SRPK1: variants seen among roughly 807,000 people sequenced by gnomAD.
SRPK1 encodes SRSF protein kinase 1.
A neutral mutation model predicts 89.5 loss-of-function variants in SRPK1; 52 were observed. The ratio of observed to expected loss-of-function variants is 0.58; its 90% CI spans 0.46 to 0.73. The LOEUF (loss-of-function observed/expected upper bound fraction) is 0.73. Among genes scored for constraint, SRPK1 ranks in the 30% least tolerant of loss-of-function variants. The probability of loss-of-function intolerance (pLI) is 0.00; values close to 1 mark genes in which losing one functional copy is unlikely to be tolerated. For missense variants in SRPK1, 603 were observed against 780.6 expected, an observed-to-expected ratio of 0.77 and a Z score of 2.71; for synonymous variants, 255 against 270.2, an observed-to-expected ratio of 0.94 and a Z score of 0.55.
At chr6:35,919,822 C>A (rs1177668273) in intron 2 of SRPK1, among the ~76,000 whole-genome samples, 1 of 152,170 alleles carries the variant, frequency 6.6e-6, no homozygotes, top group African/African-American at 2.4e-5. Flanking sequence ...ATTGTGATGT[C>A]CACTCCGGAA....
Position 35,869,106 on chromosome 6 carries a change from T to C in SRPK1, c.1416A>G (p.Lys472=). The C allele has an allele frequency of 1.2e-6, 2 of 1,612,884 alleles. No individual in the cohort carries two copies. The highest frequency in any genetic ancestry group is 1.7e-6 in the Non-Finnish European group (2 of 1,179,300). The change falls in exon 12 of 16, where the codon AAA becomes AAG. Residue 472 remains lysine (K), a synonymous_variant. Coordinates refer to ENST00000373825, the MANE Select transcript of SRPK1 (RefSeq NM_003137.5). ...TAACAAGAAAATTTCCAGCCGTGGA[T>C]TTTCCTACAGACAACAGGCATCATC... is the stretch of plus-strand genomic sequence containing the variant. ...EHNGPLDNKG[K]STAGNFLVNP...
rs182197421 is a variant in SRPK1, at chr6:35,833,141, C to G, written c.*2163G>C. The stretch of plus-strand genomic sequence containing the variant: ...TTAGGGCTTTATTTTTAACTGACAG[C>G]AAATAGAAATCCTTTAGTGAGATCG... On this transcript the variant is annotated 3_prime_UTR_variant, in exon 16 of 16. Transcript: ENST00000373825. 6.6e-6 allele frequency: 1 copy of G among 152,634 alleles called. No homozygotes were observed. Among genetic ancestry groups the G allele is most frequent in the Admixed American group, 6.5e-5 (1 of 15,280 alleles). 9.5% of individuals were successfully genotyped at this position (152,634 alleles called of 1,614,324 possible).
In SRPK1 at chr6:35,833,120, G is replaced by T. The variant is rs1257689380; in HGVS notation, c.*2184C>A. 2 of 152,532 alleles carry T rather than the reference G, an allele frequency of 1.3e-5. No homozygotes were observed. The highest frequency in any genetic ancestry group is 4.8e-5 in the African/African-American group (2 of 41,418). 9.4% of individuals were successfully genotyped at this position (152,532 alleles called of 1,614,324 possible). Reference sequence around the variant, plus strand: ...GTAGAAAGAATAAAAATGTATTTAGGGCTTTATTTTTAACTGACAGCAAAT... The same window carrying T: ...GTAGAAAGAATAAAAATGTATTTAGTGCTTTATTTTTAACTGACAGCAAAT... On this transcript the variant is annotated 3_prime_UTR_variant, in exon 16 of 16. Transcript: ENST00000373825.
At chr6:35,907,763 A>G (rs1271422289) in intron 2 of SRPK1, among the ~76,000 whole-genome samples, 1 of 152,180 alleles carries the variant, frequency 6.6e-6, no homozygotes, top group African/African-American at 2.4e-5. Flanking sequence ...CATGAATAAC[A>G]AGAAAGAGGA....
At chr6:35,841,754 C>T (rs749687585) in intron 14 of SRPK1, among the ~76,000 whole-genome samples, 6 of 142,946 alleles carry the variant, frequency 4.2e-5, no homozygotes, top group African/African-American at 1.3e-4. Context: ...ATCGCTTGAA[C>T]GAGGGAAGTG....
intron 2 of SRPK1, among the ~76,000 whole-genome samples, chr6:35,896,488 T>C (rs1005202036): frequency 1.3e-5 from 2 of 152,238 alleles, no homozygotes; most frequent in African/African-American, 4.8e-5. Context: ...TACACATCGC[T>C]GGTGGGAATG....
rs10540061 is a variant in SRPK1, at chr6:35,836,754, CAATAATAAT to C, written c.1784-1275_1784-1267del. ...TGGGTGACAGAGTGATACCCTGTCT[CAATAATAAT>C]AATAATAATAATAATAATAATAATT... is the stretch of plus-strand genomic sequence containing the variant. On this transcript the variant is annotated intron_variant, in intron 15 of 15. Transcript: ENST00000373825. Among the ~76,000 whole-genome samples, 304 of 143,386 alleles carry C rather than the reference CAATAATAAT, an allele frequency of 2.1e-3. 1 individual carries two copies. The highest frequency in any genetic ancestry group is 7.2e-3 in the African/African-American group (282 of 39,016). 94.1% of individuals were successfully genotyped at this position (143,386 alleles called of 152,430 possible).
At chr6:35,839,794 C>G (rs182241502) in intron 14 of SRPK1, among the ~76,000 whole-genome samples, 23 of 151,884 alleles carry the variant, frequency 1.5e-4, no homozygotes, top group Admixed American at 3.3e-4. Flanking sequence ...ATTCTTGTGT[C>G]TCAGCCTCCT....
intron 2 of SRPK1, among the ~76,000 whole-genome samples, chr6:35,896,907 T>C (rs1770636742): frequency 6.6e-6 from 1 of 151,468 alleles, no homozygotes; most frequent in South Asian, 2.1e-4. Flanking sequence ...ATACCTGCTT[T>C]AACAAGATGA....
chr6:35,838,592 C>G, intron 14 of SRPK1, 163 bp from the exon 15 acceptor site: 1 of 1,472,550 alleles, frequency 6.8e-7, no homozygotes, highest in Non-Finnish European at 9.3e-7. Flanking sequence ...CTCTATCCAT[C>G]TAATGGAGAA....
intron 2 of SRPK1, among the ~76,000 whole-genome samples, chr6:35,918,194 A>C (rs1239340558): frequency 6.8e-6 from 1 of 146,648 alleles, no homozygotes; most frequent in Non-Finnish European, 1.5e-5. Flanking sequence ...GACAGAAAGA[A>C]AGACAAAAAG....
intron 14 of SRPK1, among the ~76,000 whole-genome samples, chr6:35,841,795 G>A (rs373399193): frequency 2.0e-4 from 25 of 127,612 alleles, no homozygotes; most frequent in East Asian, 1.0e-3. Flanking sequence ...TCGCACCACC[G>A]CACTCCAGCC....
In SRPK1 at chr6:35,835,529, A is replaced by G. The variant is rs997231022; in HGVS notation, c.1784-41T>C. On this transcript the variant is annotated intron_variant, in intron 15 of 15. Coordinates refer to ENST00000373825, the MANE Select transcript of SRPK1 (RefSeq NM_003137.5). ...TACAGAAAAAGCCACTGATCAACAC[A>G]GACAAATGACAAGGTACTCTTGTGG... The G allele has an allele frequency of 5.8e-6, 9 of 1,550,674 alleles. No homozygotes were observed. In the African/African-American group the frequency reaches 8.2e-5, roughly 14 times the overall value.
chr6:35,895,642 G>T (rs1185597187), intron 2 of SRPK1: 4 of 152,088 alleles, frequency 2.6e-5, no homozygotes, highest in Non-Finnish European at 1.5e-5. Context: ...TTTCCATAAA[G>T]AAATTATCTG....
intron 2 of SRPK1, among the ~76,000 whole-genome samples, chr6:35,911,302 C>A (rs1431587612): frequency 6.6e-6 from 1 of 152,152 alleles, no homozygotes; most frequent in African/African-American, 2.4e-5. Context: ...GAAGTAACTA[C>A]AGATGTGGTA....
intron 5 of SRPK1, 56 bp from the exon 6 acceptor site, chr6:35,886,867 A>C (rs1323509369): frequency 2.1e-6 from 2 of 963,930 alleles, no homozygotes; most frequent in Non-Finnish European, 3.3e-6. Context: ...AATAAACCAG[A>C]TGGTAGGGGA....
At position 35,835,428 on chromosome 6, in the gene SRPK1, T is replaced by C. The variant is rs757392643; in HGVS notation, c.1844A>G (p.Lys615Arg). 1 of 1,613,778 alleles carries C rather than the reference T, an allele frequency of 6.2e-7. No individual in the cohort carries two copies. The highest frequency in any genetic ancestry group is 8.5e-7 in the Non-Finnish European group (1 of 1,179,814). ...TGCCTCTTCCTGCGACCACTCATACTTCTCCACTAGAACCTCAAAAAGGCC... is the reference window on the plus strand; with the variant it reads ...TGCCTCTTCCTGCGACCACTCATACCTCTCCACTAGAACCTCAAAAAGGCC... ...PWGLFEVLVE[K>R]YEWSQEEAAG... Residue 615 changes from lysine (K) to arginine (R), a missense_variant, in exon 16 of 16, where the codon AAG becomes AGG. By Grantham distance (26) the Lys-to-Arg change is conservative. Transcript: ENST00000373825.
intron 13 of SRPK1, among the ~76,000 whole-genome samples, chr6:35,852,035 G>A (rs1769567849): frequency 6.6e-6 from 1 of 152,062 alleles, no homozygotes; most frequent in South Asian, 2.1e-4. Context: ...AGCGATCTAG[G>A]GCACCCTGGC....
chr6:35,870,692 G>A (rs931144518), intron 9 of SRPK1, among the ~76,000 whole-genome samples, 198 bp from the exon 10 acceptor site: 4 of 152,184 alleles, frequency 2.6e-5, no homozygotes, highest in Non-Finnish European at 5.9e-5. Flanking sequence ...ATAACAAAGT[G>A]TGGTCTTCTG....
Sources: gnomAD v4.1 joint callset for allele counts (sites outside exome capture counted in the v4.1 genomes callset) on GRCh38, gnomAD v4.1.1 for gene constraint, MANE v1.5 for transcripts, NCBI Gene and HGNC (gene_info 2026-07-23, HGNC 2026-07-21) for gene names.